The following FHL2 variants were observed in gnomAD, a reference collection of about 807,000 sequenced individuals.
FHL2 encodes four and a half LIM domains 2.
In FHL2, 20 loss-of-function variants were observed where a neutral mutation model predicts 32.7. That is an observed-to-expected ratio of 0.61 (90% confidence interval 0.43 to 0.89). The LOEUF (loss-of-function observed/expected upper bound fraction) is 0.89, where lower values mean the gene tolerates loss of function less well. Ranked by LOEUF, FHL2 falls within the 40% of genes least tolerant of loss-of-function variation. FHL2 has a pLI of 0.00. For missense variants in FHL2, 311 were observed against 358.6 expected, an observed-to-expected ratio of 0.87 and a Z score of 1.07; for synonymous variants, 123 against 128.1, an observed-to-expected ratio of 0.96 and a Z score of 0.27.
intron 1 of FHL2, among the ~76,000 whole-genome samples, chr2:105,429,876 T>C (rs4851770): frequency 0.62 from 94,860 of 151,978 alleles, 30,894 homozygotes; most frequent in African/African-American, 0.82. Context: ...GTACTTTCTG[T>C]GATACAACGT....
chr2:105,378,378 A>C (rs13399462), intron 3 of FHL2: 1 of 349,736 alleles, frequency 2.9e-6, no homozygotes, highest in Non-Finnish European at 5.6e-6. Context: ...ATCGGATCCC[A>C]CCTCGCAAGG....
intron 1 of FHL2, among the ~76,000 whole-genome samples, chr2:105,405,031 C>G (rs11888592): frequency 0.45 from 67,675 of 151,852 alleles, 15,235 homozygotes; most frequent in East Asian, 0.59. Context: ...CATTAATGAC[C>G]AATAGAATGA....
At chr2:105,430,625 G>A (rs539870250) in intron 1 of FHL2, among the ~76,000 whole-genome samples, 23 of 152,148 alleles carry the variant, frequency 1.5e-4, no homozygotes, top group Non-Finnish European at 2.8e-4. Context: ...CTGAGATCGC[G>A]CCACTGCACT....
At chr2:105,371,766 T>TGGGCCCTTG (rs1479442443) in intron 4 of FHL2, among the ~76,000 whole-genome samples, 1 of 152,180 alleles carries the variant, frequency 6.6e-6, no homozygotes, top group African/African-American at 2.4e-5. Flanking sequence ...GAAGCTTCCT[T>TGGGCCCTTG]GGGCCCTTGT....
intron 3 of FHL2, 112 bp downstream of exon 3, chr2:105,386,249 G>C (rs1303269936): frequency 2.4e-6 from 3 of 1,267,742 alleles, no homozygotes; most frequent in Non-Finnish European, 3.3e-6. Context: ...GCCCCTCAGA[G>C]GGGGCTCAAG....
At chr2:105,408,972 C>T (rs1487272783) in intron 1 of FHL2, among the ~76,000 whole-genome samples, 1 of 152,012 alleles carries the variant, frequency 6.6e-6, no homozygotes, top group Non-Finnish European at 1.5e-5. Flanking sequence ...CAGGCTGAGC[C>T]AAGGCAGCAC....
chr2:105,389,674 G>A (rs1039127439), intron 2 of FHL2, among the ~76,000 whole-genome samples: 9 of 152,294 alleles, frequency 5.9e-5, no homozygotes, highest in African/African-American at 1.9e-4. Flanking sequence ...TCAAATAGCC[G>A]TCTGACTTAC....
At chr2:105,400,063 C>T (rs1016632160), upstream of FHL2, among the ~76,000 whole-genome samples, 5 of 152,162 alleles carry the variant, frequency 3.3e-5, no homozygotes, top group Non-Finnish European at 7.4e-5. Flanking sequence ...AATAAAGGGG[C>T]TTCATCACCT....
At chr2:105,399,475 T>A, upstream of FHL2, 1 of 1,536,140 alleles carries the variant, frequency 6.5e-7, no homozygotes, top group Non-Finnish European at 8.7e-7. Flanking sequence ...TGGGATATAT[T>A]TGCAAGGTGG....
intron 5 of FHL2, among the ~76,000 whole-genome samples, chr2:105,364,635 G>A (rs547093975): frequency 2.8e-4 from 43 of 152,204 alleles, no homozygotes; most frequent in Non-Finnish European, 5.6e-4. Flanking sequence ...AGTGTAGGTG[G>A]CCTCAGCTTG....
intron 1 of FHL2, among the ~76,000 whole-genome samples, chr2:105,425,089 G>T (rs1684218391): frequency 6.6e-6 from 1 of 152,136 alleles, no homozygotes; most frequent in African/African-American, 2.4e-5. Context: ...AGACATAAGA[G>T]ACTCCATTTT....
chr2:105,406,202 TA>T (rs1242473898), intron 1 of FHL2, among the ~76,000 whole-genome samples: 2 of 152,230 alleles, frequency 1.3e-5, no homozygotes, highest in Non-Finnish European at 1.5e-5. Flanking sequence ...TTTTCTAAAA[TA>T]TCTGACCTTC....
upstream of FHL2, chr2:105,399,595 C>T (rs1213389128): frequency 6.5e-7 from 1 of 1,532,640 alleles, no homozygotes; most frequent in Non-Finnish European, 8.7e-7. Flanking sequence ...GGTCCTATCC[C>T]CACCTCTCCC....
chr2:105,435,770 C>T (rs1292185743), intron 1 of FHL2, among the ~76,000 whole-genome samples: 1 of 152,028 alleles, frequency 6.6e-6, no homozygotes, highest in Non-Finnish European at 1.5e-5. Context: ...TGCAGTGAGC[C>T]GAGATTGTGC....
intron 1 of FHL2, among the ~76,000 whole-genome samples, chr2:105,424,057 A>G (rs1054675656): frequency 1.3e-5 from 2 of 152,276 alleles, no homozygotes; most frequent in Admixed American, 6.5e-5. Flanking sequence ...GCTTCTGAAC[A>G]GTAAAATCAA....
chr2:105,437,074 T>C (rs943805506), intron 1 of FHL2, among the ~76,000 whole-genome samples: 9 of 152,186 alleles, frequency 5.9e-5, no homozygotes, highest in African/African-American at 9.7e-5. Flanking sequence ...AATAGAACAA[T>C]GAAACCTAAA....
chr2:105,361,514 A>G, intron 6 of FHL2, 80 bp from the exon 7 acceptor site: 1 of 1,344,568 alleles, frequency 7.4e-7, no homozygotes, highest in Non-Finnish European at 1.0e-6. Flanking sequence ...TTCTGGTTTG[A>G]TCCATTTCAA....
Position 105,361,146 on chromosome 2 carries a change from CG to C in FHL2, c.*136del. 1 of 866,584 alleles carries C rather than the reference CG, an allele frequency of 1.2e-6. No individual in the cohort carries two copies. The highest frequency in any genetic ancestry group is 2.5e-5 in the Admixed American group (1 of 40,360). 53.7% of individuals were successfully genotyped at this position (866,584 alleles called of 1,614,324 possible). On this transcript the variant is annotated 3_prime_UTR_variant, in exon 7 of 7. Transcript: ENST00000530340. ...CAAAGCACTAAAGGGTTTAAGCAAA[CG>C]TGAGTATCACTGAAAAGCACTAGAA... is the stretch of plus-strand genomic sequence containing the variant.
chr2:105,399,455 G>A, upstream of FHL2: 4 of 1,536,194 alleles, frequency 2.6e-6, no homozygotes, highest in South Asian at 1.2e-5. Flanking sequence ...CTTCTCAGGA[G>A]GCATGTGCCT....
Sources: gnomAD v4.1 joint callset for allele counts (sites outside exome capture counted in the v4.1 genomes callset) on GRCh38, gnomAD v4.1.1 for gene constraint, MANE v1.5 for transcripts, NCBI Gene and HGNC (gene_info 2026-07-23, HGNC 2026-07-21) for gene names.